Variants in KCNIP1 observed in about 807,000 individuals in gnomAD.
The protein encoded by KCNIP1 is A-type potassium channel modulatory protein KCNIP1.
In KCNIP1, 18 loss-of-function variants were observed where a neutral mutation model predicts 33.0. The observed-to-expected ratio is 0.55, with a 90% confidence interval of 0.38 to 0.81. KCNIP1 has a LOEUF of 0.81. KCNIP1 is among the 30% of genes least tolerant of loss of function. The probability of loss-of-function intolerance (pLI) is 0.00; values close to 1 mark genes in which losing one functional copy is unlikely to be tolerated. For synonymous variants in KCNIP1, 93 were observed against 98.3 expected, an observed-to-expected ratio of 0.95 and a Z score of 0.32; for missense variants, 238 against 271.6, an observed-to-expected ratio of 0.88 and a Z score of 0.87.
At chr5:170,598,889 CTGTGTGTGTGTGCGCGTGTGTGTG>C (rs1758564926) in intron 1 of KCNIP1, among the ~76,000 whole-genome samples, 1 of 141,732 alleles carries the variant, frequency 7.1e-6, no homozygotes, top group Non-Finnish European at 1.5e-5. Flanking sequence ...CATAGCCCCG[CTGTGTGTGTGTGCGCGTGTGTGTG>C]TGTGTGTGTG....
chr5:170,396,023 G>A (rs987613874), intron 1 of KCNIP1, among the ~76,000 whole-genome samples: 3 of 152,220 alleles, frequency 2.0e-5, no homozygotes, highest in Admixed American at 1.3e-4. Flanking sequence ...CCACCACAGT[G>A]ATGGGAGTAG....
chr5:170,656,546 G>C (rs1761272349), intron 1 of KCNIP1, among the ~76,000 whole-genome samples: 2 of 152,168 alleles, frequency 1.3e-5, no homozygotes, highest in Non-Finnish European at 1.5e-5. Flanking sequence ...GGAGAGAGCT[G>C]GACAATAAAG....
chr5:170,487,522 T>A (rs1218821543), intron 1 of KCNIP1, among the ~76,000 whole-genome samples: 4 of 88,892 alleles, frequency 4.5e-5, no homozygotes, highest in African/African-American at 1.6e-4. Flanking sequence ...GTCACGGAAC[T>A]TTTTTTTTTT....
rs112225688 is a variant in KCNIP1, at chr5:170,451,723, T to G, written c.88+97759T>G. Among the ~76,000 whole-genome samples, 519 of 122,958 alleles carry G rather than the reference T, an allele frequency of 4.2e-3. 9 individuals are homozygous for G. The highest frequency in any genetic ancestry group is 0.015 in the African/African-American group (451 of 31,100). The allele number at this position is 122,958 out of a possible 152,430, so 80.7% of individuals were successfully genotyped here. ...GACAGTTGCTTCAGCTTCTCCTGCATTGTGTGTGTGTGTGTGTGTGTGTGT... is the reference window on the plus strand; with the variant it reads ...GACAGTTGCTTCAGCTTCTCCTGCAGTGTGTGTGTGTGTGTGTGTGTGTGT... On this transcript the variant is annotated intron_variant, in intron 1 of 7. Coordinates refer to the KCNIP1 transcript ENST00000377360.
intron 1 of KCNIP1, among the ~76,000 whole-genome samples, chr5:170,585,452 C>T (rs185832982): frequency 6.6e-6 from 1 of 152,264 alleles, no homozygotes; most frequent in African/African-American, 2.4e-5. Flanking sequence ...TTCCCCGAAG[C>T]CTCTCCCCAG....
intron 1 of KCNIP1, among the ~76,000 whole-genome samples, chr5:170,611,609 A>G (rs1418183589): frequency 1.3e-5 from 2 of 152,230 alleles, no homozygotes; most frequent in East Asian, 1.9e-4. Context: ...CCTGGAGTCC[A>G]TAGCCTTGGC....
At chr5:170,589,799 G>GGTGCGGTGCA (rs1282732689) in intron 1 of KCNIP1, among the ~76,000 whole-genome samples, 4 of 146,968 alleles carry the variant, frequency 2.7e-5, no homozygotes, top group East Asian at 2.0e-4. Context: ...TGTGGTGTGC[G>GGTGCGGTGCA]GTGCGGTGCG....
intron 1 of KCNIP1, among the ~76,000 whole-genome samples, chr5:170,367,404 A>AGAAAGAAAGAAAG: frequency 8.2e-6 from 1 of 122,698 alleles, no homozygotes; most frequent in Non-Finnish European, 1.8e-5. Flanking sequence ...AAAGAAAGAA[A>AGAAAGAAAGAAAG]GAAAGAAAGA....
chr5:170,471,820 C>G (rs1459932335), intron 1 of KCNIP1, among the ~76,000 whole-genome samples: 2 of 152,170 alleles, frequency 1.3e-5, no homozygotes, highest in African/African-American at 2.4e-5. Flanking sequence ...TGAGTTCCAC[C>G]AGGCAGACCA....
intron 1 of KCNIP1, chr5:170,376,339 T>C (rs963674099): frequency 6.6e-6 from 1 of 151,828 alleles, no homozygotes; most frequent in Non-Finnish European, 1.5e-5. Flanking sequence ...ATTTTTTCTA[T>C]TTTTTAGTAG....
intron 1 of KCNIP1, among the ~76,000 whole-genome samples, chr5:170,670,274 G>T (rs1761863729): frequency 6.6e-6 from 1 of 152,206 alleles, no homozygotes; most frequent in African/African-American, 2.4e-5. Flanking sequence ...GACGGAGAGA[G>T]AGATGGATGA....
chr5:170,663,838 A>G (rs1165091369), intron 1 of KCNIP1, among the ~76,000 whole-genome samples: 2 of 151,758 alleles, frequency 1.3e-5, no homozygotes, highest in Admixed American at 1.3e-4. Flanking sequence ...GGATCTCTGC[A>G]CCGCTCCCAA....
At position 170,608,099 on chromosome 5, in the gene KCNIP1, C is replaced by T. The variant is rs1384718326; in HGVS notation, c.61+103466C>T. Among the ~76,000 whole-genome samples the T allele has an allele frequency of 2.6e-5, 4 of 152,216 alleles. No individual in the cohort carries two copies. In the East Asian group the frequency reaches 7.7e-4, roughly 29 times the overall value. Reference sequence around the variant, plus strand: ...TAGGCACTAGAACTTGACCCAGAAGCCTGTGACACACACACACCCCACATC... The same window carrying T: ...TAGGCACTAGAACTTGACCCAGAAGTCTGTGACACACACACACCCCACATC... On this transcript the variant is annotated intron_variant, in intron 1 of 7. Coordinates refer to ENST00000328939, the MANE Select transcript of KCNIP1 (RefSeq NM_014592.4).
chr5:170,491,724 G>A (rs1757210383), intron 1 of KCNIP1, among the ~76,000 whole-genome samples: 1 of 152,210 alleles, frequency 6.6e-6, no homozygotes, highest in African/African-American at 2.4e-5. Flanking sequence ...TGTGCATCTA[G>A]ACCTACAGGG....
At chr5:170,434,689 T>C (rs1022459303) in intron 1 of KCNIP1, among the ~76,000 whole-genome samples, 1 of 152,128 alleles carries the variant, frequency 6.6e-6, no homozygotes, top group African/African-American at 2.4e-5. Context: ...GTGCGCTGGC[T>C]CATGTCTGTA....
At chr5:170,602,586 G>T (rs563805137) in intron 1 of KCNIP1, among the ~76,000 whole-genome samples, 1 of 152,214 alleles carries the variant, frequency 6.6e-6, no homozygotes, top group African/African-American at 2.4e-5. Flanking sequence ...CACTGTTCTC[G>T]TTTCCCTTTG....
chr5:170,456,862 G>A (rs1314887907), intron 1 of KCNIP1, among the ~76,000 whole-genome samples: 2 of 151,946 alleles, frequency 1.3e-5, no homozygotes, highest in African/African-American at 4.8e-5. Flanking sequence ...GGAACCACAG[G>A]AGTGCACCAC....
At chr5:170,457,243 A>G (rs1756403028) in intron 1 of KCNIP1, among the ~76,000 whole-genome samples, 1 of 152,266 alleles carries the variant, frequency 6.6e-6, no homozygotes, top group African/African-American at 2.4e-5. Context: ...AAGTAGAAAT[A>G]GAAAATCTAA....
intron 1 of KCNIP1, among the ~76,000 whole-genome samples, chr5:170,684,633 T>C (rs1037191265): frequency 6.6e-6 from 1 of 152,250 alleles, no homozygotes; most frequent in African/African-American, 2.4e-5. Flanking sequence ...TCAACTTCTC[T>C]CTGCAGTTCC....
Sources: allele counts gnomAD v4.1 joint callset (sites outside exome capture counted in the v4.1 genomes callset), GRCh38; gene constraint gnomAD v4.1.1; transcripts MANE v1.5; gene names NCBI Gene and HGNC (gene_info 2026-07-23, HGNC 2026-07-21).